The following PES1 variants were observed in gnomAD, a reference collection of about 807,000 sequenced individuals.
PES1 encodes pescadillo homolog.
In PES1, 31 loss-of-function variants were observed where a neutral mutation model predicts 77.1. The ratio of observed to expected loss-of-function variants is 0.40; its 90% confidence interval spans 0.30 to 0.54. The LOEUF is 0.54. Ranked by LOEUF, PES1 falls within the 20% of genes least tolerant of loss-of-function variation. The probability of loss-of-function intolerance (pLI) is 0.45; values close to 1 mark genes in which losing one functional copy is unlikely to be tolerated. For synonymous variants in PES1, 282 were observed against 303.0 expected (o/e 0.93, Z 0.72); for missense variants, 658 against 771.7 (o/e 0.85, Z 1.75).
intron 2 of PES1, among the ~76,000 whole-genome samples, chr22:30,603,057 C>T (rs1387828681): frequency 6.6e-6 from 1 of 151,924 alleles, no homozygotes; most frequent in Non-Finnish European, 1.5e-5. Flanking sequence ...ACTACAGGAG[C>T]CCACCACCAG....
chr22:30,586,767 T>C (rs1287393586), intron 4 of PES1, among the ~76,000 whole-genome samples: 1 of 151,868 alleles, frequency 6.6e-6, no homozygotes, highest in African/African-American at 2.4e-5. Flanking sequence ...CTGGCCAACA[T>C]GGGGAAACCC....
At chr22:30,600,483 G>A (rs1346581186) in intron 2 of PES1, among the ~76,000 whole-genome samples, 1 of 151,720 alleles carries the variant, frequency 6.6e-6, no homozygotes, top group Non-Finnish European at 1.5e-5. Context: ...GGGAGTTCGA[G>A]ACCAGCCTGG....
chr22:30,588,439 A>G (rs1053584044), intron 2 of PES1, among the ~76,000 whole-genome samples: 13 of 152,224 alleles, frequency 8.5e-5, no homozygotes, highest in Admixed American at 7.2e-4. Flanking sequence ...CAAAAGAGAC[A>G]AAGTCCAGAA....
chr22:30,580,553 G>A lies in PES1; in HGVS notation c.1043+18C>T, dbSNP rs753796454. 5 of 1,613,404 alleles carry A rather than the reference G, an allele frequency of 3.1e-6. No homozygotes were observed. The South Asian group carries it at 5.5e-5, about 18-fold the overall frequency. ...ATGGCCGAACCAATGCTGTCAGCGGGCCCTTGAGCCTCCCTACCTGATGAT... is the reference window on the plus strand; with the variant it reads ...ATGGCCGAACCAATGCTGTCAGCGGACCCTTGAGCCTCCCTACCTGATGAT... On this transcript the variant is annotated intron_variant, in intron 10 of 14. Transcript: ENST00000354694.
intron 10 of PES1, among the ~76,000 whole-genome samples, 173 bp from the exon 11 acceptor site, chr22:30,580,351 T>C (rs1218359057): frequency 6.6e-6 from 1 of 152,230 alleles, no homozygotes; most frequent in Non-Finnish European, 1.5e-5. Context: ...ATCTGCCCAC[T>C]GCCCATCCTT....
intron 14 of PES1, among the ~76,000 whole-genome samples, 159 bp downstream of exon 14, chr22:30,578,678 C>T (rs974834408): frequency 3.3e-5 from 5 of 152,132 alleles, no homozygotes; most frequent in Non-Finnish European, 7.4e-5. Flanking sequence ...TGGCCCAGGT[C>T]GGGGGCCCCA....
At chr22:30,578,068 A>C (rs1432314585) in intron 14 of PES1, among the ~76,000 whole-genome samples, 1 of 152,204 alleles carries the variant, frequency 6.6e-6, no homozygotes, top group African/African-American at 2.4e-5. Context: ...AGATCACTTG[A>C]GGTCAGGAGT....
intron 6 of PES1, among the ~76,000 whole-genome samples, chr22:30,583,256 A>C (rs953079531): frequency 1.3e-5 from 2 of 152,206 alleles, no homozygotes; most frequent in Admixed American, 6.5e-5. Flanking sequence ...GCTGAGGGCC[A>C]AGCCCGCCTC....
chr22:30,599,905 AAAAG>A (rs1185581796), intron 2 of PES1, among the ~76,000 whole-genome samples: 1 of 152,134 alleles, frequency 6.6e-6, no homozygotes, highest in African/African-American at 2.4e-5. Context: ...TCTCAAAACA[AAAAG>A]AAAATGAAAG....
intron 2 of PES1, among the ~76,000 whole-genome samples, chr22:30,599,835 G>A (rs925490622): frequency 4.6e-5 from 7 of 152,282 alleles, no homozygotes; most frequent in Admixed American, 1.3e-4. Flanking sequence ...GGCAGGCAGA[G>A]GTTGCGGTGA....
At chr22:30,591,626 G>A (rs2087177281) in intron 1 of PES1, among the ~76,000 whole-genome samples, 184 bp downstream of exon 1, 1 of 152,090 alleles carries the variant, frequency 6.6e-6, no homozygotes, top group African/African-American at 2.4e-5. Flanking sequence ...GTTCGTTCTC[G>A]GATTTCACTA....
intron 4 of PES1, among the ~76,000 whole-genome samples, chr22:30,586,017 G>GA: frequency 6.6e-6 from 1 of 152,168 alleles, no homozygotes; most frequent in Non-Finnish European, 1.5e-5. Flanking sequence ...ACAAAACCAA[G>GA]AACCCAGGCT....
In PES1 at chr22:30,591,861, C is replaced by G; in HGVS notation, c.-28G>C. On this transcript the variant is annotated 5_prime_UTR_variant, in exon 1 of 15. Coordinates refer to ENST00000354694, the MANE Select transcript of PES1 (RefSeq NM_014303.4). ...CTCCACGTTGAGGAGCCGACTAGGG[C>G]CGCGCGTACAGGGAGCTCCACTTCC... The G allele has an allele frequency of 6.5e-7, 1 of 1,548,204 alleles. No homozygotes were observed. Among genetic ancestry groups the G allele is most frequent in the East Asian group, 2.4e-5 (1 of 40,978 alleles).
At chr22:30,600,938 T>G (rs2087345582) in intron 2 of PES1, among the ~76,000 whole-genome samples, 1 of 147,430 alleles carries the variant, frequency 6.8e-6, no homozygotes, top group African/African-American at 2.7e-5. Context: ...TGGATCGATC[T>G]CTCTCTCTTA....
rs1210779167 is a variant in PES1 at position 30,597,876 on chromosome 22, A to ATTTTTTTTTT, written c.-660-5479_-660-5478insAAAAAAAAAA. ...CTCGGTTTTTTTTCCACGCAGTTGA[A>ATTTTTTTTTT]GTTTTGTTTTTTTTTTTTTTGTTTT... is the stretch of plus-strand genomic sequence containing the variant. On this transcript the variant is annotated intron_variant, in intron 2 of 16. Coordinates refer to the PES1 transcript ENST00000402281. 2.9e-4 allele frequency among the ~76,000 whole-genome samples: 36 copies of ATTTTTTTTTT among 125,148 alleles called. 1 individual carries two copies. The highest frequency in any genetic ancestry group is 1.0e-3 in the African/African-American group (33 of 32,420). 82.1% of individuals were successfully genotyped at this position (125,148 alleles called of 152,430 possible). A position where few individuals can be genotyped will look rare whatever the true frequency, so the allele number is the denominator to read the frequency against.
intron 2 of PES1, chr22:30,598,499 G>A (rs939978781): frequency 1.3e-5 from 2 of 152,076 alleles, no homozygotes; most frequent in East Asian, 1.9e-4. Context: ...AACAATCTCC[G>A]GTCGCTGCAA....
At chr22:30,601,246 C>G (rs1287088222) in intron 2 of PES1, among the ~76,000 whole-genome samples, 1 of 149,292 alleles carries the variant, frequency 6.7e-6, no homozygotes, top group Non-Finnish European at 1.5e-5. Flanking sequence ...TATTGTTAGA[C>G]AGCTTTGAAA....
intron 6 of PES1, among the ~76,000 whole-genome samples, chr22:30,582,368 C>G (rs2087001470): frequency 6.6e-6 from 1 of 152,188 alleles, no homozygotes; most frequent in Non-Finnish European, 1.5e-5. Flanking sequence ...CCTGGCTCAG[C>G]CCCCAGGGAG....
Position 30,580,998 on chromosome 22 carries a change from AG to A in PES1, c.912+13del. 6.2e-7 allele frequency: 1 copy of A among 1,606,892 alleles called. No homozygotes were observed. The highest frequency in any genetic ancestry group is 8.5e-7 in the Non-Finnish European group (1 of 1,174,580). On this transcript the variant is annotated intron_variant, in intron 9 of 14. Transcript: ENST00000354694. ...CCTCCCAGCCCTCCTGCCAGAAGGC[AG>A]TGCAGTGCTCACCCCATCGGTGGGA...
Sources: allele counts gnomAD v4.1 joint callset (sites outside exome capture counted in the v4.1 genomes callset), GRCh38; gene constraint gnomAD v4.1.1; transcripts MANE v1.5; gene names NCBI Gene and HGNC (gene_info 2026-07-23, HGNC 2026-07-21).